Variants in SRD5A3 observed in about 807,000 individuals in gnomAD.
SRD5A3 encodes the protein steroid 5 alpha-reductase 3.
A neutral mutation model predicts 34.3 loss-of-function variants in SRD5A3; 24 were observed. The observed-to-expected ratio is 0.70, with a 90% CI of 0.51 to 0.99. The LOEUF (loss-of-function observed/expected upper bound fraction) is 0.99. Ranked by LOEUF, SRD5A3 falls within the 50% of genes least tolerant of loss-of-function variation. The probability of loss-of-function intolerance (pLI) is 0.00; values close to 1 mark genes in which losing one functional copy is unlikely to be tolerated. For synonymous variants in SRD5A3, 161 were observed against 167.3 expected (o/e 0.96, Z 0.29); for missense variants, 350 against 388.2 (o/e 0.90, Z 0.83).
intron 1 of SRD5A3, among the ~76,000 whole-genome samples, chr4:55,354,604 A>G (rs1380169022): frequency 6.6e-6 from 1 of 151,892 alleles, no homozygotes. Flanking sequence ...GTTTCACTCT[A>G]CCTGGAAAGG....
intron 1 of SRD5A3, among the ~76,000 whole-genome samples, chr4:55,358,556 A>C (rs1719560477): frequency 1.0e-4 from 3 of 29,096 alleles, no homozygotes; most frequent in Non-Finnish European, 2.3e-4. Flanking sequence ...AAAAAAAAAA[A>C]AGAAGAAGAA....
chr4:55,370,646 A>C lies in SRD5A3; in HGVS notation c.*555A>C, dbSNP rs185689840. 1 of 156,606 alleles carries C rather than the reference A, an allele frequency of 6.4e-6. No individual in the cohort carries two copies. The highest frequency in any genetic ancestry group is 1.9e-4 in the South Asian group (1 of 5,250). The allele number at this position is 156,606 out of a possible 1,614,324, so 9.7% of individuals were successfully genotyped here. A position where few individuals can be genotyped will look rare whatever the true frequency, so the allele number is the denominator to read the frequency against. The stretch of plus-strand genomic sequence containing the variant: ...TTAATCCCAGCACTTCGGGAGGCCA[A>C]GGTGGGCAGTTCGCTTGGGCCCAAG... On this transcript the variant is annotated 3_prime_UTR_variant, in exon 5 of 5. Coordinates refer to ENST00000264228, the MANE Select transcript of SRD5A3 (RefSeq NM_024592.5).
intron 1 of SRD5A3, 132 bp downstream of exon 1, chr4:55,346,689 C>A: frequency 1.2e-6 from 1 of 807,674 alleles, no homozygotes; most frequent in Non-Finnish European, 1.8e-6. Flanking sequence ...TTCCCGGGCG[C>A]AGCACGGCGC....
intron 1 of SRD5A3, among the ~76,000 whole-genome samples, chr4:55,351,583 T>C (rs2109462629): frequency 6.6e-6 from 1 of 151,390 alleles, no homozygotes; most frequent in Non-Finnish European, 1.5e-5. Flanking sequence ...CCAGAACCTG[T>C]GAGGCAGAGG....
intron 1 of SRD5A3, among the ~76,000 whole-genome samples, chr4:55,348,185 C>T (rs913758187): frequency 2.0e-5 from 3 of 152,180 alleles, no homozygotes; most frequent in Admixed American, 2.0e-4. Flanking sequence ...AAATAATTTA[C>T]ACCTTTTTCT....
At position 55,370,853 on chromosome 4, in the gene SRD5A3, A is replaced by G. The variant is rs1253150587; in HGVS notation, c.*762A>G. On this transcript the variant is annotated 3_prime_UTR_variant, in exon 5 of 5. Coordinates refer to ENST00000264228, the MANE Select transcript of SRD5A3 (RefSeq NM_024592.5). ...AGCCGAGGTCATGCCACTGCACTCC[A>G]GCCTGGCCTGGGCAACAGAGCAAGA... The G allele has an allele frequency of 6.6e-6, 1 of 152,222 alleles. No individual in the cohort carries two copies. Among genetic ancestry groups the G allele is most frequent in the African/African-American group, 2.4e-5 (1 of 41,450 alleles). The allele number at this position is 152,222 out of a possible 1,614,324, so 9.4% of individuals were successfully genotyped here.
intron 1 of SRD5A3, among the ~76,000 whole-genome samples, chr4:55,348,478 T>C (rs900740972): frequency 3.3e-5 from 5 of 152,244 alleles, no homozygotes; most frequent in Admixed American, 6.5e-5. Flanking sequence ...GTCTATGGCC[T>C]CTTTTTTATA....
In SRD5A3 at chr4:55,370,234, TG is replaced by T; in HGVS notation, c.*144del. Reference sequence around the variant, plus strand: ...CTATACCCCACAAGTTTTCACTGAATGAGCATGGCAGTGCCACTCAAGAAAA... The same window carrying T: ...CTATACCCCACAAGTTTTCACTGAATAGCATGGCAGTGCCACTCAAGAAAA... On this transcript the variant is annotated 3_prime_UTR_variant, in exon 5 of 5. Coordinates refer to ENST00000264228, the MANE Select transcript of SRD5A3 (RefSeq NM_024592.5). 9.1e-7 allele frequency: 1 copy of T among 1,100,904 alleles called. No individual in the cohort carries two copies. Among genetic ancestry groups the T allele is most frequent in the Middle Eastern group, 3.0e-4 (1 of 3,388 alleles). The allele number at this position is 1,100,904 out of a possible 1,614,324, so 68.2% of individuals were successfully genotyped here.
intron 1 of SRD5A3, among the ~76,000 whole-genome samples, chr4:55,350,816 G>A (rs1719163238): frequency 7.3e-6 from 1 of 136,086 alleles, no homozygotes; most frequent in Non-Finnish European, 1.5e-5. Context: ...AGGCTGGAAT[G>A]CTGTGGTGCA....
intron 1 of SRD5A3, 92 bp from the exon 2 acceptor site, chr4:55,359,254 G>A: frequency 6.5e-7 from 1 of 1,546,708 alleles, no homozygotes; most frequent in Non-Finnish European, 8.9e-7. Context: ...TGGAGGGGTG[G>A]GGAAAGACAG....
At position 55,358,030 on chromosome 4, in the gene SRD5A3, G is replaced by A. The variant is rs562339407; in HGVS notation, c.222-1316G>A. On this transcript the variant is annotated intron_variant, in intron 1 of 4. Transcript: ENST00000264228. The stretch of plus-strand genomic sequence containing the variant: ...CTGGATCATCTGGAGGAGCCCCTGC[G>A]ATTATGTTTAATCCTCTTTTGGCTC... Among the ~76,000 whole-genome samples the A allele has an allele frequency of 7.9e-5, 12 of 152,260 alleles. No individual in the cohort carries two copies. The East Asian group carries it at 9.6e-4, about 12-fold the overall frequency.
chr4:55,351,121 A>C (rs1719175170), intron 1 of SRD5A3, among the ~76,000 whole-genome samples: 1 of 142,706 alleles, frequency 7.0e-6, no homozygotes, highest in Admixed American at 7.1e-5. Context: ...TGCCCAGGCC[A>C]GAGTGCAATG....
chr4:55,361,679 C>T (rs1719691937), intron 2 of SRD5A3, among the ~76,000 whole-genome samples: 1 of 152,042 alleles, frequency 6.6e-6, no homozygotes, highest in Non-Finnish European at 1.5e-5. Context: ...TGGCGCGTGC[C>T]TGTAATCCCA....
chr4:55,354,387 G>A (rs1047064141), intron 1 of SRD5A3, among the ~76,000 whole-genome samples: 1 of 152,230 alleles, frequency 6.6e-6, no homozygotes. Flanking sequence ...GACGCACCGC[G>A]CTCGGCCAGC....
At chr4:55,357,432 C>T (rs2109471264) in intron 1 of SRD5A3, among the ~76,000 whole-genome samples, 1 of 152,362 alleles carries the variant, frequency 6.6e-6, no homozygotes, top group South Asian at 2.1e-4. Flanking sequence ...TGACCTTCCA[C>T]TGTGCTCCAC....
At chr4:55,368,280 G>A (rs1472923396) in intron 4 of SRD5A3, among the ~76,000 whole-genome samples, 8 of 151,346 alleles carry the variant, frequency 5.3e-5, no homozygotes, top group African/African-American at 1.9e-4. Context: ...TTGGGAGGCT[G>A]AGGCACTAGA....
At chr4:55,367,505 T>C (rs767801714) in intron 3 of SRD5A3, 83 bp from the exon 4 acceptor site, 132 of 1,507,792 alleles carry the variant, frequency 8.8e-5, no homozygotes, top group Non-Finnish European at 1.2e-4. Flanking sequence ...TGGATAATTG[T>C]GTTTCTGCTG....
Position 55,352,140 on chromosome 4 carries a change from T to C in SRD5A3, c.221+5583T>C, listed in dbSNP as rs888662275. The C allele has an allele frequency of 7.2e-6, 6 of 833,598 alleles. No homozygotes were observed. The African/African-American group carries it at 8.3e-5, about 12-fold the overall frequency. The allele number at this position is 833,598 out of a possible 1,614,324, so 51.6% of individuals were successfully genotyped here. A position where few individuals can be genotyped will look rare whatever the true frequency, so the allele number is the denominator to read the frequency against. ...CACTTGGTATACAGACAGTCCATCA[T>C]TGACTGCACTAAGTCTGGTTTGGCT... On this transcript the variant is annotated intron_variant, in intron 1 of 4. Coordinates refer to ENST00000264228, the MANE Select transcript of SRD5A3 (RefSeq NM_024592.5).
At chr4:55,359,575 C>T in intron 2 of SRD5A3, 87 bp downstream of exon 2, 2 of 1,563,638 alleles carry the variant, frequency 1.3e-6, no homozygotes, top group Non-Finnish European at 1.7e-6. Flanking sequence ...ATTTTGTCTC[C>T]TCTCTCGGCA....
Sources: gnomAD v4.1 joint callset for allele counts (sites outside exome capture counted in the v4.1 genomes callset) on GRCh38, gnomAD v4.1.1 for gene constraint, MANE v1.5 for transcripts, NCBI Gene and HGNC (gene_info 2026-07-23, HGNC 2026-07-21) for gene names.